The following TWF1 variants were observed in gnomAD, a reference collection of about 807,000 sequenced individuals.
The protein encoded by TWF1 is twinfilin-1.
In TWF1, 14 loss-of-function variants were observed where a neutral mutation model predicts 47.9. The observed-to-expected ratio is 0.29, with a 90% CI of 0.19 to 0.46. The LOEUF (loss-of-function observed/expected upper bound fraction) is 0.46, where lower values mean the gene tolerates loss of function less well. Among genes scored for constraint, TWF1 ranks in the 20% least tolerant of loss-of-function variants. TWF1 has a pLI of 1.00. For synonymous variants in TWF1, 96 were observed against 139.2 expected (o/e 0.69, Z 2.18); for missense variants, 281 against 409.3 (o/e 0.69, Z 2.70).
At chr12:43,802,127 C>G (rs1046051295) in intron 3 of TWF1, among the ~76,000 whole-genome samples, 159 bp downstream of exon 3, 1 of 152,212 alleles carries the variant, frequency 6.6e-6, no homozygotes, top group Non-Finnish European at 1.5e-5. Context: ...AATCTAAGCA[C>G]ATTATTCCTG....
intron 5 of TWF1, chr12:43,798,557 A>G (rs1312857827): frequency 6.6e-7 from 1 of 1,524,502 alleles, no homozygotes; most frequent in Non-Finnish European, 8.7e-7. Context: ...ACATATGCGA[A>G]TGCATACCCC....
At chr12:43,795,826 T>A (rs1342370049) in intron 8 of TWF1, 71 bp from the exon 9 acceptor site, 1 of 1,480,252 alleles carries the variant, frequency 6.8e-7, no homozygotes, top group African/African-American at 1.4e-5. Flanking sequence ...TTCAGGTATA[T>A]GAATGCTCAC....
chr12:43,805,514 AG>A, intron 1 of TWF1: 1 of 456,060 alleles, frequency 2.2e-6, no homozygotes, highest in Non-Finnish European at 4.4e-6. Context: ...ACTCTTGATG[AG>A]GTGAGTACCT....
At chr12:43,796,053 G>C (rs564385642) in intron 8 of TWF1, among the ~76,000 whole-genome samples, 102 of 152,250 alleles carry the variant, frequency 6.7e-4, no homozygotes, top group Admixed American at 9.2e-4. Flanking sequence ...TTTATTCAAG[G>C]AACATTTACT....
At chr12:43,796,418 C>G (rs530174496) in intron 8 of TWF1, among the ~76,000 whole-genome samples, 5 of 152,008 alleles carry the variant, frequency 3.3e-5, no homozygotes, top group Non-Finnish European at 7.4e-5. Context: ...ATATCTTTCC[C>G]CATGCCTTAT....
chr12:43,797,329 G>A lies in TWF1; in HGVS notation c.733C>T (p.His245Tyr). ...RYHFFLYKHS[H>Y]EGDYLESIVF... is the part of the protein sequence containing the mutation. Reference sequence around the variant, plus strand: ...ATGGACTCTAAATAGTCTCCTTCATGGGAATGTTTATACAGAAAGAAATGG... The same window carrying A: ...ATGGACTCTAAATAGTCTCCTTCATAGGAATGTTTATACAGAAAGAAATGG... The change falls in exon 7 of 9, where the codon CAT (histidine) becomes TAT (tyrosine). Residue 245 changes from histidine (H) to tyrosine (Y), a missense_variant. His to Tyr is a moderately conservative substitution (Grantham distance 83). Transcript: ENST00000395510. The A allele has an allele frequency of 6.3e-7, 1 of 1,595,484 alleles. No individual in the cohort carries two copies. Among genetic ancestry groups the A allele is most frequent in the Non-Finnish European group, 8.5e-7 (1 of 1,173,736 alleles).
rs1327997057 is a variant in TWF1, at chr12:43,797,718, T to G, written c.599A>C (p.Tyr200Ser). 5.6e-6 allele frequency: 9 copies of G among 1,611,962 alleles called. No homozygotes were observed. The highest frequency in any genetic ancestry group is 6.8e-6 in the Non-Finnish European group (8 of 1,179,450). Residue 200 changes from tyrosine (Y) to serine (S), a missense_variant, in exon 6 of 9, where the codon TAT (tyrosine) becomes TCT (serine). By Grantham distance (144) the Tyr-to-Ser change is moderately radical (BLOSUM62 -2). Transcript: ENST00000395510. ...LEKLNNRQLN[Y>S]VQLEIDIKNE... ...TTATACATCTCTTACCAACTGCACA[T>G]AGTTGAGCTGTCTATTATTCAATTT... is the stretch of plus-strand genomic sequence containing the variant.
intron 3 of TWF1, among the ~76,000 whole-genome samples, chr12:43,801,304 A>C (rs1390294253): frequency 1.3e-5 from 2 of 152,224 alleles, no homozygotes; most frequent in Admixed American, 1.3e-4. Context: ...ACTAGTATCT[A>C]TGGAAAGCTA....
Position 43,796,969 on chromosome 12 carries a change from G to A in TWF1, c.882+7C>T. ...AAAAACTGAAGATTTTAAAATAGGT[G>A]GGCTACCTTTCTAATTACATCCATT... On this transcript the variant is annotated splice_region_variant and intron_variant, in intron 8 of 8. Transcript: ENST00000395510. 6.2e-7 allele frequency: 1 copy of A among 1,607,122 alleles called. No homozygotes were observed. The highest frequency in any genetic ancestry group is 8.5e-7 in the Non-Finnish European group (1 of 1,178,326).
In TWF1 at chr12:43,804,499, T is replaced by C. The variant is rs774418900; in HGVS notation, c.99A>G (p.Glu33=). ...ATTTTAAAATATTTAACTAACCATT[T>C]TCAATAGATATTTTCAGAAGTCTGT... ...GKYRLLKISI[E]NEQLVIGSYS... Residue 33 remains glutamate (E), a synonymous_variant, in exon 2 of 9, where the codon GAA becomes GAG. Coordinates refer to ENST00000395510, the MANE Select transcript of TWF1 (RefSeq NM_002822.5). 2 of 1,583,224 alleles carry C rather than the reference T, an allele frequency of 1.3e-6. No homozygotes were observed. The highest frequency in any genetic ancestry group is 2.3e-5 in the South Asian group (2 of 86,852).
intron 3 of TWF1, among the ~76,000 whole-genome samples, chr12:43,801,996 A>G (rs1451157850): frequency 6.6e-6 from 1 of 152,180 alleles, no homozygotes; most frequent in Non-Finnish European, 1.5e-5. Context: ...CACCACAGCA[A>G]GCTGGTCTGG....
At position 43,794,162 on chromosome 12, in the gene TWF1, C is replaced by T. The variant is rs576442302; in HGVS notation, c.*1423G>A. 2.4e-4 allele frequency: 37 copies of T among 152,670 alleles called. No homozygotes were observed. Among genetic ancestry groups the T allele is most frequent in the African/African-American group, 8.2e-4 (34 of 41,548 alleles). The allele number at this position is 152,670 out of a possible 1,614,324, so 9.5% of individuals were successfully genotyped here. ...ATTTGGGTGTATGTGTGTCTGTCTA[C>T]GTGTACACCCATGGAACAACTTATA... is the stretch of plus-strand genomic sequence containing the variant. On this transcript the variant is annotated 3_prime_UTR_variant, in exon 9 of 9. Coordinates refer to ENST00000395510, the MANE Select transcript of TWF1 (RefSeq NM_002822.5).
At chr12:43,805,502 T>C (rs1433744008) in intron 1 of TWF1, 1 of 455,594 alleles carries the variant, frequency 2.2e-6, no homozygotes, top group Non-Finnish European at 4.4e-6. Context: ...ATATATTATT[T>C]GACTCTTGAT....
chr12:43,797,167 A>T, intron 7 of TWF1, 70 bp from the exon 8 acceptor site: 3 of 1,494,372 alleles, frequency 2.0e-6, no homozygotes, highest in Non-Finnish European at 2.7e-6. Context: ...TACATATATA[A>T]ACTTCATAAA....
chr12:43,804,789 T>C (rs527466292), intron 1 of TWF1, among the ~76,000 whole-genome samples: 2 of 152,364 alleles, frequency 1.3e-5, no homozygotes, highest in Non-Finnish European at 2.9e-5. Flanking sequence ...ATAATTCTAA[T>C]CTGTTTTAGC....
At position 43,794,682 on chromosome 12, in the gene TWF1, TA is replaced by T. The variant is rs1387098184; in HGVS notation, c.*902del. 6.6e-6 allele frequency: 1 copy of T among 151,698 alleles called. No individual in the cohort carries two copies. The highest frequency in any genetic ancestry group is 1.5e-5 in the Non-Finnish European group (1 of 67,934). 9.4% of individuals were successfully genotyped at this position (151,698 alleles called of 1,614,324 possible). ...GAAATACAGTATTAACTGAGATTAT[TA>T]AGGTGTTTATCTACGTTAGCCTGTT... On this transcript the variant is annotated 3_prime_UTR_variant, in exon 9 of 9. Transcript: ENST00000395510.
At chr12:43,804,143 C>A in intron 2 of TWF1, 1 of 376,898 alleles carries the variant, frequency 2.7e-6, no homozygotes, top group Non-Finnish European at 5.3e-6. Flanking sequence ...TTGAATAATT[C>A]ACAAGTAACT....
At position 43,794,574 on chromosome 12, in the gene TWF1, A is replaced by G. The variant is rs1365320714; in HGVS notation, c.*1011T>C. ...AAGTGTTCTAGCTCCCTCTATTTCA[A>G]GTATCAAAGAAATATGAGGCTCAAA... On this transcript the variant is annotated 3_prime_UTR_variant, in exon 9 of 9. Coordinates refer to ENST00000395510, the MANE Select transcript of TWF1 (RefSeq NM_002822.5). The G allele has an allele frequency of 1.3e-5, 2 of 150,282 alleles. No homozygotes were observed. The highest frequency in any genetic ancestry group is 1.3e-4 in the Admixed American group (2 of 14,980). 9.3% of individuals were successfully genotyped at this position (150,282 alleles called of 1,614,324 possible). A position where few individuals can be genotyped will look rare whatever the true frequency, so the allele number is the denominator to read the frequency against.
In TWF1 at chr12:43,802,431, G is replaced by A; in HGVS notation, c.137C>T (p.Ser46Leu). 6.2e-7 allele frequency: 1 copy of A among 1,600,938 alleles called. No homozygotes were observed. Among genetic ancestry groups the A allele is most frequent in the Non-Finnish European group, 8.5e-7 (1 of 1,176,614 alleles). ...QLVIGSYSQP[S>L]DSWDKDYDSF... is the part of the protein sequence containing the mutation. ...ATCATAATCCTTATCCCAGGAATCTGAAGGCTGACTATATGATCCAATCAC... is the reference window on the plus strand; with the variant it reads ...ATCATAATCCTTATCCCAGGAATCTAAAGGCTGACTATATGATCCAATCAC... The change falls in exon 3 of 9, where the codon TCA becomes TTA. Residue 46 changes from serine to leucine, a missense_variant. Ser to Leu is a moderately radical substitution (Grantham distance 145). Coordinates refer to ENST00000395510, the MANE Select transcript of TWF1 (RefSeq NM_002822.5).
Sources: allele counts gnomAD v4.1 joint callset (sites outside exome capture counted in the v4.1 genomes callset), GRCh38; gene constraint gnomAD v4.1.1; transcripts MANE v1.5; gene names NCBI Gene and HGNC (gene_info 2026-07-23, HGNC 2026-07-21).